Variants in TMEM200A observed in about 807,000 individuals in gnomAD.
TMEM200A encodes the protein transmembrane protein 200A.
TMEM200A carries 12 observed loss-of-function variants against 24.3 expected under a neutral mutation model. The ratio of observed to expected loss-of-function variants is 0.49; its 90% CI spans 0.32 to 0.80. The LOEUF is 0.80. TMEM200A is among the 30% of genes least tolerant of loss of function. The pLI, the probability that TMEM200A is intolerant of heterozygous loss-of-function variation, is 0.04. For synonymous variants in TMEM200A, 224 were observed against 224.4 expected (o/e 1.00, Z 0.02); for missense variants, 545 against 614.4 (o/e 0.89, Z 1.19).
At chr6:130,365,928 C>A, upstream of TMEM200A, 1 of 985,564 alleles carries the variant, frequency 1.0e-6, no homozygotes, top group South Asian at 4.7e-5. Context: ...GTCGCAGGCG[C>A]GCAGCCACGC....
chr6:130,375,181 G>T (rs867181351), intron 1 of TMEM200A, among the ~76,000 whole-genome samples: 18 of 152,034 alleles, frequency 1.2e-4, no homozygotes, highest in Middle Eastern at 3.4e-3. Context: ...AATTATTTTC[G>T]TTCATTTGTT....
intron 2 of TMEM200A, among the ~76,000 whole-genome samples, chr6:130,397,974 T>C (rs1039628432): frequency 6.6e-5 from 10 of 152,006 alleles, no homozygotes. Flanking sequence ...CTTTTTTCTC[T>C]CTCAACTTTT....
chr6:130,423,327 C>G (rs1450202375), intron 2 of TMEM200A, among the ~76,000 whole-genome samples: 1 of 152,090 alleles, frequency 6.6e-6, no homozygotes, highest in African/African-American at 2.4e-5. Context: ...GAAAAAGTCT[C>G]AAATAAATGA....
chr6:130,417,360 T>A (rs986309772), intron 2 of TMEM200A, among the ~76,000 whole-genome samples: 6 of 152,218 alleles, frequency 3.9e-5, no homozygotes, highest in Non-Finnish European at 1.5e-5. Context: ...TATGAAAATT[T>A]GAGCACAAAT....
chr6:130,380,630 G>A (rs565587182), intron 1 of TMEM200A, among the ~76,000 whole-genome samples: 2 of 152,302 alleles, frequency 1.3e-5, no homozygotes, highest in Admixed American at 1.3e-4. Flanking sequence ...GGTGGACCCT[G>A]AGGGAACATC....
chr6:130,443,059 A>C lies in TMEM200A; in HGVS notation c.*1161A>C, dbSNP rs1348975604. 5 of 166,522 alleles carry C rather than the reference A, an allele frequency of 3.0e-5. No homozygotes were observed. The highest frequency in any genetic ancestry group is 2.0e-4 in the Admixed American group (3 of 15,282). 10.3% of individuals were successfully genotyped at this position (166,522 alleles called of 1,614,324 possible). ...AATAAATATTAAAATGGATGTTTTCATCAGAAAATTTTCATGTTTTCCTTT... is the reference window on the plus strand; with the variant it reads ...AATAAATATTAAAATGGATGTTTTCCTCAGAAAATTTTCATGTTTTCCTTT... On this transcript the variant is annotated 3_prime_UTR_variant, in exon 3 of 3. Coordinates refer to ENST00000296978, the MANE Select transcript of TMEM200A (RefSeq NM_001258277.2).
At chr6:130,427,468 T>C (rs954952370) in intron 2 of TMEM200A, among the ~76,000 whole-genome samples, 6 of 152,192 alleles carry the variant, frequency 3.9e-5, no homozygotes, top group African/African-American at 7.2e-5. Flanking sequence ...TCCAAGTTGT[T>C]GCCATTACTA....
At chr6:130,434,293 G>T (rs1032595858) in intron 2 of TMEM200A, among the ~76,000 whole-genome samples, 1 of 152,198 alleles carries the variant, frequency 6.6e-6, no homozygotes, top group African/African-American at 2.4e-5. Context: ...CTGGGAGTCT[G>T]AAAACTTGTA....
intron 2 of TMEM200A, among the ~76,000 whole-genome samples, chr6:130,408,425 A>G (rs1049879536): frequency 6.5e-4 from 99 of 152,266 alleles, no homozygotes; most frequent in African/African-American, 2.3e-3. Context: ...CCTGTTCCTT[A>G]TCTACTTTCC....
intron 1 of TMEM200A, among the ~76,000 whole-genome samples, chr6:130,382,145 G>C (rs149720143): frequency 1.3e-5 from 2 of 152,202 alleles, no homozygotes; most frequent in East Asian, 3.9e-4. Context: ...TGAAACCTTG[G>C]GCAAATTACT....
intron 1 of TMEM200A, among the ~76,000 whole-genome samples, chr6:130,376,646 T>G (rs143168934): frequency 2.6e-5 from 4 of 152,304 alleles, no homozygotes; most frequent in African/African-American, 7.2e-5. Flanking sequence ...AGGAAAGAGA[T>G]AATATGTTCC....
rs1425734777 is a variant in TMEM200A at position 130,366,594 on chromosome 6, C to A, written c.-81+70C>A. 21 of 985,448 alleles carry A rather than the reference C, an allele frequency of 2.1e-5. No homozygotes were observed. Among genetic ancestry groups the A allele is most frequent in the Non-Finnish European group, 2.5e-5 (21 of 829,980 alleles). 61.0% of individuals were successfully genotyped at this position (985,448 alleles called of 1,614,324 possible). On this transcript the variant is annotated intron_variant, in intron 1 of 2. Transcript: ENST00000296978. This position sits in a 1 kb window ranked among gnomAD's most constrained non-coding sequence, Gnocchi z 4.4. ...GGCGGCCACCGCAGCCGAAACCGGG[C>A]ACTTCTTCAGCCCTCTGCCCTCCCC... is the stretch of plus-strand genomic sequence containing the variant.
At chr6:130,427,344 T>C (rs529799049) in intron 2 of TMEM200A, among the ~76,000 whole-genome samples, 75 of 152,332 alleles carry the variant, frequency 4.9e-4, no homozygotes, top group Non-Finnish European at 9.7e-4. Flanking sequence ...AGAAATATCA[T>C]GTGAACATTT....
intron 2 of TMEM200A, among the ~76,000 whole-genome samples, chr6:130,412,784 T>C (rs1779361966): frequency 6.6e-6 from 1 of 152,216 alleles, no homozygotes; most frequent in East Asian, 1.9e-4. Flanking sequence ...AGTTACCTAA[T>C]GGTTTGCCAA....
intron 2 of TMEM200A, among the ~76,000 whole-genome samples, chr6:130,416,950 C>T (rs1195258613): frequency 2.0e-5 from 3 of 152,126 alleles, no homozygotes; most frequent in Non-Finnish European, 2.9e-5. Context: ...GCTAGTCTTC[C>T]CTTCCTTCCC....
Position 130,422,519 on chromosome 6 carries a change from G to A in TMEM200A, c.-16-17888G>A, listed in dbSNP as rs528786210. 1.2e-4 allele frequency among the ~76,000 whole-genome samples: 18 copies of A among 152,056 alleles called. No individual in the cohort carries two copies. The South Asian group carries it at 2.7e-3, about 23-fold the overall frequency. ...CTACCTCAAGTGATCTGCCTGCCTC[G>A]GCCTCCCAAAGTGCTAGGATTACAG... On this transcript the variant is annotated intron_variant, in intron 2 of 2. Transcript: ENST00000296978.
intron 1 of TMEM200A, chr6:130,381,973 G>T (rs1230574149): frequency 2.0e-6 from 2 of 985,184 alleles, no homozygotes; most frequent in African/African-American, 3.5e-5. Context: ...CTGCCTTGCT[G>T]AAGTGGCTCT....
intron 2 of TMEM200A, among the ~76,000 whole-genome samples, chr6:130,426,068 C>T (rs979038988): frequency 1.3e-5 from 2 of 152,190 alleles, no homozygotes; most frequent in Admixed American, 6.5e-5. Context: ...GGGGACTGCT[C>T]TCCCTTGTCA....
chr6:130,402,882 A>G (rs1057137481), intron 2 of TMEM200A, among the ~76,000 whole-genome samples: 37 of 152,206 alleles, frequency 2.4e-4, no homozygotes, highest in African/African-American at 7.9e-4. Context: ...ACTTCTTGTC[A>G]TTGTAAAAAT....
Sources: allele counts gnomAD v4.1 joint callset (sites outside exome capture counted in the v4.1 genomes callset), GRCh38; gene constraint gnomAD v4.1.1; non-coding constraint Gnocchi (gnomAD v3.1); transcripts MANE v1.5; gene names NCBI Gene and HGNC (gene_info 2026-07-23, HGNC 2026-07-21).